The following KCNMB3 variants were observed in gnomAD, a reference collection of about 807,000 sequenced individuals.
The protein encoded by KCNMB3 is potassium calcium-activated channel subfamily M regulatory beta subunit 3, also known as calcium-activated potassium channel subunit beta-3.
KCNMB3 carries 18 observed loss-of-function variants against 11.9 expected under a neutral mutation model. The ratio of observed to expected loss-of-function variants is 1.51; its 90% CI spans 1.04 to 2.23. The LOEUF (loss-of-function observed/expected upper bound fraction) is 2.23, where lower values mean the gene tolerates loss of function less well. KCNMB3 is among the 30% of genes most tolerant of loss of function. The pLI, the probability that KCNMB3 is intolerant of heterozygous loss-of-function variation, is 0.00. For missense variants in KCNMB3, 247 were observed against 329.4 expected, an observed-to-expected ratio of 0.75 and a Z score of 1.94; for synonymous variants, 78 against 119.2, an observed-to-expected ratio of 0.65 and a Z score of 2.25.
chr3:179,254,245 T>C (rs988081336), upstream of KCNMB3, among the ~76,000 whole-genome samples: 1 of 152,166 alleles, frequency 6.6e-6, no homozygotes, highest in African/African-American at 2.4e-5. Flanking sequence ...ACCCACACCG[T>C]ACCACTCCAT....
intron 1 of KCNMB3, among the ~76,000 whole-genome samples, chr3:179,257,420 G>A (rs1726048635): frequency 6.6e-6 from 1 of 152,018 alleles, no homozygotes. Context: ...ACATTCCTTT[G>A]TGATTTTATA....
upstream of KCNMB3, chr3:179,266,972 A>G: frequency 2.4e-6 from 3 of 1,250,594 alleles, no homozygotes; most frequent in Non-Finnish European, 3.0e-6. Flanking sequence ...GGTTTGCTGC[A>G]GCCGAAGCTG....
At position 179,261,144 on chromosome 3, in the gene KCNMB3, C is replaced by G; in HGVS notation, c.62+5505G>C. ...ACCTCCTTCTGCTGCCGCTCCAGCT[C>G]CTTCATGGGGATCTCACGAGCCTCC... is the stretch of plus-strand genomic sequence containing the variant. On this transcript the variant is annotated intron_variant, in intron 1 of 3. Transcript: ENST00000349697. 2.2e-6 allele frequency: 3 copies of G among 1,339,956 alleles called. No individual in the cohort carries two copies. The South Asian group carries it at 3.8e-5, about 17-fold the overall frequency. The allele number at this position is 1,339,956 out of a possible 1,614,324, so 83.0% of individuals were successfully genotyped here.
chr3:179,254,919 C>A (rs1190015441), upstream of KCNMB3, among the ~76,000 whole-genome samples: 2 of 152,184 alleles, frequency 1.3e-5, no homozygotes, highest in Non-Finnish European at 2.9e-5. Flanking sequence ...AATCCCAGCA[C>A]TTTCAGAGGC....
At chr3:179,255,194 A>T (rs1207430085), upstream of KCNMB3, among the ~76,000 whole-genome samples, 1 of 151,822 alleles carries the variant, frequency 6.6e-6, no homozygotes, top group South Asian at 2.1e-4. Flanking sequence ...AATACATAAT[A>T]AAAAATAAAA....
chr3:179,260,679 G>A, intron 1 of KCNMB3: 7 of 1,369,374 alleles, frequency 5.1e-6, no homozygotes, highest in Non-Finnish European at 7.3e-6. Flanking sequence ...TCTGAATTTA[G>A]GATTATTCCA....
chr3:179,266,831 C>A, exon 1 of KCNMB3: 1 of 1,458,766 alleles, frequency 6.9e-7, no homozygotes, highest in Non-Finnish European at 9.0e-7. Context: ...CAGCCCCCAG[C>A]GCAGCTGCAG....
intron 1 of KCNMB3, among the ~76,000 whole-genome samples, chr3:179,263,621 T>C (rs1401166565): frequency 6.6e-6 from 1 of 152,138 alleles, no homozygotes; most frequent in South Asian, 2.1e-4. Context: ...TATTTTTATA[T>C]GCTCATTGTA....
chr3:179,259,557 G>A (rs1270712705), intron 1 of KCNMB3: 277 of 1,609,554 alleles, frequency 1.7e-4, no homozygotes, highest in Non-Finnish European at 2.3e-4. Context: ...TTTCTGTTTT[G>A]GATTTTCAGT....
chr3:179,240,564 A>G (rs1725429650), downstream of KCNMB3: 1 of 152,174 alleles, frequency 6.6e-6, no homozygotes, highest in African/African-American at 2.4e-5. Flanking sequence ...CCATTAATGC[A>G]CATAGGCATT....
downstream of KCNMB3, chr3:179,241,624 T>C (rs1028498084): frequency 3.9e-5 from 6 of 152,320 alleles, no homozygotes; most frequent in Admixed American, 3.3e-4. Context: ...TGAGGCACTT[T>C]GGAAAATCAG....
intron 1 of KCNMB3, among the ~76,000 whole-genome samples, chr3:179,250,381 A>G (rs1725792958): frequency 6.6e-6 from 1 of 152,218 alleles, no homozygotes; most frequent in East Asian, 1.9e-4. Context: ...TTCAGACTCA[A>G]AAAACTTTTA....
intron 1 of KCNMB3, chr3:179,261,004 G>A (rs1365340121): frequency 2.1e-6 from 2 of 968,812 alleles, no homozygotes; most frequent in East Asian, 4.7e-5. Context: ...ATATAGAGGT[G>A]TCTCCGCTGC....
At chr3:179,260,723 G>A in intron 1 of KCNMB3, 3 of 1,431,194 alleles carry the variant, frequency 2.1e-6, no homozygotes, top group South Asian at 1.2e-5. Flanking sequence ...TTGCTTCAGG[G>A]CCTCCTTGAC....
chr3:179,264,643 A>G (rs984661722), intron 1 of KCNMB3, among the ~76,000 whole-genome samples: 1 of 152,186 alleles, frequency 6.6e-6, no homozygotes, highest in Admixed American at 6.5e-5. Flanking sequence ...AATTACAAAC[A>G]GCCTGAACAC....
upstream of KCNMB3, chr3:179,251,689 T>C (rs527638021): frequency 6.7e-4 from 822 of 1,219,580 alleles, no homozygotes; most frequent in Non-Finnish European, 7.9e-4. Flanking sequence ...AGCCCACAGA[T>C]GTGTTTTGTT....
chr3:179,255,857 A>C (rs1290006507), upstream of KCNMB3, among the ~76,000 whole-genome samples: 1 of 152,244 alleles, frequency 6.6e-6, no homozygotes, highest in Non-Finnish European at 1.5e-5. Context: ...TTTGGCTGAG[A>C]GCTTACTTCT....
At chr3:179,244,809 G>T in intron 1 of KCNMB3, 116 bp from the exon 2 acceptor site, 2 of 880,614 alleles carry the variant, frequency 2.3e-6, no homozygotes, top group Non-Finnish European at 1.8e-6. Flanking sequence ...CAAGGCATTT[G>T]TGTATTTTGA....
At chr3:179,246,401 G>A (rs1017346590) in intron 1 of KCNMB3, among the ~76,000 whole-genome samples, 15 of 151,540 alleles carry the variant, frequency 9.9e-5, no homozygotes, top group South Asian at 4.2e-4. Context: ...AACAGAGGCC[G>A]ACTCTGTCCC....
Sources: gnomAD v4.1 joint callset for allele counts (sites outside exome capture counted in the v4.1 genomes callset) on GRCh38, gnomAD v4.1.1 for gene constraint, MANE v1.5 for transcripts, NCBI Gene and HGNC (gene_info 2026-07-23, HGNC 2026-07-21) for gene names.